Variants in LRP2 observed in about 807,000 individuals in gnomAD.
LRP2 encodes the protein LDL receptor related protein 2, also known as low-density lipoprotein receptor-related protein 2.
Under a neutral mutation model 531.0 loss-of-function variants are expected in LRP2, and 172 were observed. That is an observed-to-expected ratio of 0.32 (90% CI 0.29 to 0.37). The LOEUF is 0.37. Ranked by LOEUF, LRP2 falls within the 10% of genes least tolerant of loss-of-function variation. LRP2 has a pLI of 1.00. For synonymous variants in LRP2, 1,992 were observed against 2,027.6 expected, an observed-to-expected ratio of 0.98 and a Z score of 0.47; for missense variants, 5,167 against 5,868.3, an observed-to-expected ratio of 0.88 and a Z score of 3.90.
At position 169,274,537 on chromosome 2, in the gene LRP2, T is replaced by C. The variant is rs187326661; in HGVS notation, c.1975+499A>G. On this transcript the variant is annotated intron_variant, in intron 14 of 78. Transcript: ENST00000649046. Reference sequence around the variant, plus strand: ...CCAGCCAGAGAGACACCAAACCCAGTTGGCCTATGACAGATTAATCAGAAC... The same window carrying C: ...CCAGCCAGAGAGACACCAAACCCAGCTGGCCTATGACAGATTAATCAGAAC... 1.6e-3 allele frequency among the ~76,000 whole-genome samples: 243 copies of C among 152,254 alleles called. 1 individual carries two copies. Among genetic ancestry groups the C allele is most frequent in the African/African-American group, 5.7e-3 (236 of 41,548 alleles).
intron 8 of LRP2, among the ~76,000 whole-genome samples, chr2:169,289,386 C>CA (rs1025028275): frequency 3.3e-5 from 5 of 151,950 alleles, no homozygotes; most frequent in Non-Finnish European, 5.9e-5. Flanking sequence ...CTCATATTCA[C>CA]AAAAAATTAA....
chr2:169,303,152 G>A (rs1242664705), intron 4 of LRP2, among the ~76,000 whole-genome samples: 3 of 151,662 alleles, frequency 2.0e-5, no homozygotes, highest in Admixed American at 6.6e-5. Context: ...CATACAAAGG[G>A]GTTCACTATA....
rs557525997 is a variant in LRP2, at chr2:169,269,739, G to A, written c.2320+1165C>T. On this transcript the variant is annotated intron_variant, in intron 16 of 78. Transcript: ENST00000649046. ...AACACCAAAAGCAATGGCAACAAAAGCCAAAATTGACAAATGGGATCTAAT... is the reference window on the plus strand; with the variant it reads ...AACACCAAAAGCAATGGCAACAAAAACCAAAATTGACAAATGGGATCTAAT... Among the ~76,000 whole-genome samples the A allele has an allele frequency of 2.0e-5, 3 of 152,264 alleles. No homozygotes were observed. The South Asian group carries it at 6.2e-4, about 32-fold the overall frequency.
At chr2:169,236,601 C>A (rs1471610600) in intron 28 of LRP2, among the ~76,000 whole-genome samples, 1 of 152,130 alleles carries the variant, frequency 6.6e-6, no homozygotes, top group Non-Finnish European at 1.5e-5. Flanking sequence ...GAAAGAAATC[C>A]TCAAAGATTT....
chr2:169,232,937 A>G (rs1689463375), intron 30 of LRP2, among the ~76,000 whole-genome samples: 1 of 152,234 alleles, frequency 6.6e-6, no homozygotes, highest in Admixed American at 6.5e-5. Context: ...CAGAAAGAAC[A>G]GTACGGATGC....
intron 67 of LRP2, among the ~76,000 whole-genome samples, chr2:169,152,338 T>C (rs1686173264): frequency 1.3e-5 from 2 of 152,142 alleles, no homozygotes; most frequent in South Asian, 4.1e-4. Flanking sequence ...GGATTGTTCG[T>C]CCCCAAGATA....
Position 169,189,802 on chromosome 2 carries a change from A to ATT in LRP2, c.9033-1539_9033-1538dup, listed in dbSNP as rs35200244. Among the ~76,000 whole-genome samples, 18 of 151,238 alleles carry ATT rather than the reference A, an allele frequency of 1.2e-4. No homozygotes were observed. In the South Asian group the frequency reaches 1.3e-3, roughly 11 times the overall value. On this transcript the variant is annotated intron_variant, in intron 48 of 78. Transcript: ENST00000649046. ...TAGCTCAGGTTTTCAAACAAACAGT[A>ATT]TTTTTTTTTCTCTTCTACTATAGCC...
chr2:169,335,216 G>A (rs750564242), intron 1 of LRP2, among the ~76,000 whole-genome samples: 16 of 151,996 alleles, frequency 1.1e-4, no homozygotes, highest in Admixed American at 3.3e-4. Flanking sequence ...ATTTTCCTAC[G>A]ATGAGCATTT....
intron 50 of LRP2, among the ~76,000 whole-genome samples, chr2:169,183,657 T>A (rs1024102322): frequency 1.3e-5 from 2 of 152,158 alleles, no homozygotes; most frequent in Non-Finnish European, 2.9e-5. Context: ...TCAAAAGACA[T>A]CCTGTGAACA....
At chr2:169,224,728 T>C (rs999925112) in intron 33 of LRP2, among the ~76,000 whole-genome samples, 1 of 152,206 alleles carries the variant, frequency 6.6e-6, no homozygotes, top group Non-Finnish European at 1.5e-5. Context: ...CCTAAAACAC[T>C]TTTATAGCAA....
rs773102572 is a variant in LRP2, at chr2:169,275,013, G to T, written c.1975+23C>A. ...TCCACCAAGTCCGGTACCAAGCATG[G>T]TTACCACTGCTCTGAGGCTTACCAT... On this transcript the variant is annotated intron_variant, in intron 14 of 78. Transcript: ENST00000649046. 4.3e-6 allele frequency: 7 copies of T among 1,610,754 alleles called. No homozygotes were observed. In the South Asian group the frequency reaches 6.6e-5, roughly 15 times the overall value.
chr2:169,226,600 G>A lies in LRP2; in HGVS notation c.5228-12C>T. ...GAAAGGTTGATCATCTGTGAAAATA[G>A]AAGAATATCAGTCAAAATCATATCC... On this transcript the variant is annotated splice_polypyrimidine_tract_variant and intron_variant, in intron 31 of 78. Transcript: ENST00000649046. The A allele has an allele frequency of 6.3e-7, 1 of 1,597,238 alleles. No individual in the cohort carries two copies. The highest frequency in any genetic ancestry group is 8.6e-7 in the Non-Finnish European group (1 of 1,165,466).
chr2:169,301,008 A>T (rs1209173574), intron 4 of LRP2, among the ~76,000 whole-genome samples: 1 of 152,138 alleles, frequency 6.6e-6, no homozygotes, highest in Non-Finnish European at 1.5e-5. Flanking sequence ...AATAGAAATA[A>T]AACTTCTGGG....
intron 19 of LRP2, among the ~76,000 whole-genome samples, chr2:169,248,286 T>C (rs1432632066): frequency 6.6e-6 from 1 of 152,230 alleles, no homozygotes; most frequent in Non-Finnish European, 1.5e-5. Flanking sequence ...AATGTGGATT[T>C]TCTCTTTAAT....
intron 3 of LRP2, among the ~76,000 whole-genome samples, chr2:169,309,864 T>A (rs886871886): frequency 1.3e-5 from 2 of 152,258 alleles, no homozygotes; most frequent in African/African-American, 4.8e-5. Flanking sequence ...AAGCATAGAA[T>A]GTTCCTTCAT....
chr2:169,283,140 G>A (rs1436969947), intron 9 of LRP2, 139 bp from the exon 10 acceptor site: 1 of 794,990 alleles, frequency 1.3e-6, no homozygotes, highest in Admixed American at 1.9e-5. Flanking sequence ...TTAGGCACAG[G>A]TTCTGAGAAT....
In LRP2 at chr2:169,258,960, T is replaced by C. The variant is rs553568540; in HGVS notation, c.2513+65A>G. 8.6e-6 allele frequency: 12 copies of C among 1,392,500 alleles called. No individual in the cohort carries two copies. The East Asian group carries it at 2.7e-4, about 32-fold the overall frequency. The allele number at this position is 1,392,500 out of a possible 1,614,324, so 86.3% of individuals were successfully genotyped here. Reference sequence around the variant, plus strand: ...TGAACTTACCTAAATCCCTAGGGCATCACTTTTCAATGACTGTAAAAGACA... The same window carrying C: ...TGAACTTACCTAAATCCCTAGGGCACCACTTTTCAATGACTGTAAAAGACA... On this transcript the variant is annotated intron_variant, in intron 17 of 78. Transcript: ENST00000649046.
chr2:169,280,666 A>C (rs1683680067), intron 10 of LRP2, 147 bp from the exon 11 acceptor site: 2 of 837,588 alleles, frequency 2.4e-6, no homozygotes, highest in Non-Finnish European at 3.9e-6. Context: ...AGGCAGACAG[A>C]TAGCTAGCAT....
chr2:169,362,404 G>A lies in LRP2; in HGVS notation c.-5C>T, dbSNP rs373286009. Reference sequence around the variant, plus strand: ...TGCTGCCGGCCCGCGATCCATCTCCGCGACGGTCCCCGGCCTCGCCGTTCC... The same window carrying A: ...TGCTGCCGGCCCGCGATCCATCTCCACGACGGTCCCCGGCCTCGCCGTTCC... On this transcript the variant is annotated 5_prime_UTR_variant, in exon 1 of 79. Coordinates refer to ENST00000649046, the MANE Select transcript of LRP2 (RefSeq NM_004525.3). 4.4e-4 allele frequency: 686 copies of A among 1,557,762 alleles called. 6 individuals are homozygous for A. In the African/African-American group the frequency reaches 8.2e-3, roughly 19 times the overall value.
Sources: allele counts gnomAD v4.1 joint callset (sites outside exome capture counted in the v4.1 genomes callset), GRCh38; gene constraint gnomAD v4.1.1; transcripts MANE v1.5; gene names NCBI Gene and HGNC (gene_info 2026-07-23, HGNC 2026-07-21).